The following GBE1 variants were observed in gnomAD, a reference collection of about 807,000 sequenced individuals.
The protein encoded by GBE1 is 1,4-alpha-glucan-branching enzyme.
Under a neutral mutation model 88.8 loss-of-function variants are expected in GBE1, and 70 were observed. The observed-to-expected ratio is 0.79, with a 90% CI of 0.65 to 0.96. The LOEUF (loss-of-function observed/expected upper bound fraction) is 0.96. Among genes scored for constraint, GBE1 ranks in the 40% least tolerant of loss-of-function variants. GBE1 has a pLI of 0.00. For synonymous variants in GBE1, 284 were observed against 300.1 expected (o/e 0.95, Z 0.56); for missense variants, 872 against 871.0 (o/e 1.00, Z -0.01).
At chr3:81,646,529 A>G (rs1453340327) in intron 5 of GBE1, 47 bp from the exon 6 acceptor site, 8 of 1,037,320 alleles carry the variant, frequency 7.7e-6, no homozygotes, top group African/African-American at 1.6e-5. Flanking sequence ...ACATTTAAAA[A>G]AAAAGTAATG....
chr3:81,658,299 C>A (rs1704971631), intron 3 of GBE1, among the ~76,000 whole-genome samples: 2 of 151,900 alleles, frequency 1.3e-5, no homozygotes, highest in Non-Finnish European at 2.9e-5. Context: ...AAATGAGTGT[C>A]AGACCAGTTT....
At chr3:81,738,366 C>T (rs1167584024) in intron 1 of GBE1, among the ~76,000 whole-genome samples, 20 of 151,410 alleles carry the variant, frequency 1.3e-4, no homozygotes, top group Non-Finnish European at 2.5e-4. Context: ...TACAGTCCCA[C>T]CAACAGTGTA....
rs1576151361 is a variant in GBE1 at position 81,565,554 on chromosome 3, C to T, written c.1618+12371G>A. Among the ~76,000 whole-genome samples the T allele has an allele frequency of 2.6e-5, 4 of 152,226 alleles. No individual in the cohort carries two copies. The South Asian group carries it at 8.3e-4, about 32-fold the overall frequency. ...AAAATCCATCCAACTTCCCCTGTGG[C>T]TTTGGGGAGAATGTAACATATTCAT... On this transcript the variant is annotated intron_variant, in intron 12 of 15. Transcript: ENST00000429644.
intron 7 of GBE1, among the ~76,000 whole-genome samples, chr3:81,615,808 G>A (rs1437938133): frequency 6.6e-6 from 1 of 152,174 alleles, no homozygotes; most frequent in Non-Finnish European, 1.5e-5. Context: ...GCAACTGCTT[G>A]CTGGCATGTA....
chr3:81,495,080 C>G (rs1702482738), intron 15 of GBE1, among the ~76,000 whole-genome samples: 1 of 152,118 alleles, frequency 6.6e-6, no homozygotes, highest in South Asian at 2.1e-4. Flanking sequence ...ACATATAATT[C>G]TGGTAGAATG....
chr3:81,705,539 T>TA lies in GBE1; in HGVS notation c.217dup (p.Tyr73LeufsTer2). 6.3e-7 allele frequency: 1 copy of TA among 1,598,654 alleles called. No homozygotes were observed. Among genetic ancestry groups the TA allele is most frequent in the Non-Finnish European group, 8.5e-7 (1 of 1,171,662 alleles). Reference sequence around the variant, plus strand: ...ACATCTGTGGACGCCAAATGATTCATAGCCTCTGGAAAACTTATCAATACC... The same window carrying TA: ...ACATCTGTGGACGCCAAATGATTCATAAGCCTCTGGAAAACTTATCAATACC... On this transcript the variant is annotated frameshift_variant, in exon 2 of 16. Transcript: ENST00000429644. LOFTEE classifies it high-confidence loss of function.
chr3:81,600,198 T>C (rs1013923823), intron 7 of GBE1, among the ~76,000 whole-genome samples: 1 of 152,136 alleles, frequency 6.6e-6, no homozygotes, highest in East Asian at 1.9e-4. Flanking sequence ...GAGGTGGAGG[T>C]TGCAGTGAGC....
At chr3:81,688,574 C>T (rs1705473743) in intron 2 of GBE1, among the ~76,000 whole-genome samples, 1 of 152,044 alleles carries the variant, frequency 6.6e-6, no homozygotes, top group Admixed American at 6.6e-5. Flanking sequence ...TTTAATAAGA[C>T]TCCATTATAT....
chr3:81,702,880 CAA>C (rs1362508111), intron 2 of GBE1, among the ~76,000 whole-genome samples: 5 of 151,914 alleles, frequency 3.3e-5, no homozygotes, highest in Non-Finnish European at 7.4e-5. Context: ...ACACACAGCG[CAA>C]CTTTTAATAA....
At chr3:81,704,195 TCTC>T (rs1350897934) in intron 2 of GBE1, among the ~76,000 whole-genome samples, 1 of 151,994 alleles carries the variant, frequency 6.6e-6, no homozygotes, top group African/African-American at 2.4e-5. Flanking sequence ...ACTCTACTGT[TCTC>T]CTTTCACCTT....
At chr3:81,587,322 A>G (rs576940967) in intron 9 of GBE1, among the ~76,000 whole-genome samples, 3 of 152,320 alleles carry the variant, frequency 2.0e-5, no homozygotes, top group East Asian at 1.9e-4. Context: ...TAATTCCACA[A>G]TATCTTTCAA....
intron 1 of GBE1, chr3:81,743,636 T>A: frequency 6.5e-7 from 1 of 1,530,912 alleles, no homozygotes; most frequent in Non-Finnish European, 8.8e-7. Flanking sequence ...AATTGGAACA[T>A]CCAGAAAGGT....
intron 7 of GBE1, among the ~76,000 whole-genome samples, chr3:81,624,196 G>A (rs910194292): frequency 6.6e-6 from 1 of 152,232 alleles, no homozygotes; most frequent in African/African-American, 2.4e-5. Context: ...AGGAGGACAA[G>A]CCCCTTATAA....
chr3:81,606,651 T>C (rs778593509), intron 7 of GBE1, among the ~76,000 whole-genome samples: 11 of 152,226 alleles, frequency 7.2e-5, no homozygotes, highest in Non-Finnish European at 1.5e-4. Flanking sequence ...TTACCAGCTA[T>C]ACTCTCTGCC....
At chr3:81,595,303 CAAG>C (rs1462449642) in intron 7 of GBE1, among the ~76,000 whole-genome samples, 1 of 151,518 alleles carries the variant, frequency 6.6e-6, no homozygotes, top group African/African-American at 2.4e-5. Context: ...TGAATAGAAA[CAAG>C]GAGATATAAT....
At chr3:81,613,148 C>CTTTT in intron 7 of GBE1, 1 of 226,950 alleles carries the variant, frequency 4.4e-6, no homozygotes, top group Non-Finnish European at 8.1e-6. Flanking sequence ...AAGCTGCAGT[C>CTTTT]TTTTTTTTTT....
chr3:81,620,705 T>G (rs1704316710), intron 7 of GBE1, among the ~76,000 whole-genome samples: 1 of 152,120 alleles, frequency 6.6e-6, no homozygotes, highest in African/African-American at 2.4e-5. Flanking sequence ...AATATTAGAT[T>G]TGTTTAAGTA....
At chr3:81,737,818 T>A (rs1247928713) in intron 1 of GBE1, among the ~76,000 whole-genome samples, 2 of 152,154 alleles carry the variant, frequency 1.3e-5, no homozygotes, top group Non-Finnish European at 2.9e-5. Context: ...TAGTTACATA[T>A]GTATACATGT....
chr3:81,694,498 C>A (rs1173422892), intron 2 of GBE1, among the ~76,000 whole-genome samples: 1 of 152,132 alleles, frequency 6.6e-6, no homozygotes. Flanking sequence ...GGAGAATTCT[C>A]CAGCTCCCCG....
Sources: gnomAD v4.1 joint callset for allele counts (sites outside exome capture counted in the v4.1 genomes callset) on GRCh38, gnomAD v4.1.1 for gene constraint, MANE v1.5 for transcripts, NCBI Gene and HGNC (gene_info 2026-07-23, HGNC 2026-07-21) for gene names.